CNPY2: variants seen among roughly 807,000 people sequenced by gnomAD.
CNPY2 encodes the protein protein canopy homolog 2.
Under a neutral mutation model 25.5 loss-of-function variants are expected in CNPY2, and 19 were observed. That is an observed-to-expected ratio of 0.74 (90% confidence interval 0.52 to 1.09). CNPY2 has a LOEUF of 1.09. CNPY2 is among the 50% of genes least tolerant of loss of function. The probability of loss-of-function intolerance (pLI) is 0.00; values close to 1 mark genes in which losing one functional copy is unlikely to be tolerated. For synonymous variants in CNPY2, 82 were observed against 85.0 expected, an observed-to-expected ratio of 0.96 and a Z score of 0.19; for missense variants, 214 against 233.6, an observed-to-expected ratio of 0.92 and a Z score of 0.55.
In CNPY2 at chr12:56,315,232, G is replaced by A. The variant is rs772408919; in HGVS notation, c.-15C>T. On this transcript the variant is annotated 5_prime_UTR_variant, in exon 2 of 6. Transcript: ENST00000273308. The stretch of plus-strand genomic sequence containing the variant: ...CAGCCTTTCATCTTTAGCGTAATGG[G>A]GTCGCTCCACCTGGGTTTGAGTGGG... 2 of 1,607,058 alleles carry A rather than the reference G, an allele frequency of 1.2e-6. No homozygotes were observed. The highest frequency in any genetic ancestry group is 1.7e-5 in the Admixed American group (1 of 59,790).
intron 5 of CNPY2, 79 bp from the exon 6 acceptor site, chr12:56,310,674 A>T: frequency 7.0e-7 from 1 of 1,431,290 alleles, no homozygotes; most frequent in East Asian, 2.3e-5. Flanking sequence ...TTCCCAGACC[A>T]AGCTGACACA....
intron 3 of CNPY2, among the ~76,000 whole-genome samples, chr12:56,312,167 C>T (rs1231363007): frequency 1.3e-5 from 2 of 151,156 alleles, no homozygotes; most frequent in African/African-American, 2.4e-5. Flanking sequence ...CATGAGCCAC[C>T]GCGCCCGGCC....
rs771288289 is a variant in CNPY2, at chr12:56,309,973, C to T, written c.*579G>A. On this transcript the variant is annotated 3_prime_UTR_variant, in exon 6 of 6. Coordinates refer to ENST00000273308, the MANE Select transcript of CNPY2 (RefSeq NM_014255.7). ...ATCCGATAAAGCCCTTACTTTTCAG[C>T]TGAGTTGGTCACATCCATTTTCCCC... is the stretch of plus-strand genomic sequence containing the variant. The T allele has an allele frequency of 1.0e-5, 7 of 702,258 alleles. No individual in the cohort carries two copies. Among genetic ancestry groups the T allele is most frequent in the Non-Finnish European group, 1.8e-5 (7 of 384,842 alleles). 43.5% of individuals were successfully genotyped at this position (702,258 alleles called of 1,614,324 possible).
chr12:56,314,936 C>G lies in CNPY2; in HGVS notation c.119G>C (p.Trp40Ser), dbSNP rs574865113. The G allele has an allele frequency of 8.1e-6, 13 of 1,614,114 alleles. No homozygotes were observed. In the East Asian group the frequency reaches 2.7e-4, roughly 33 times the overall value. ...ACRALVDELE[W>S]EIAQVDPKKT... ...CTTGGGGTCCACCTGGGCAATTTCC[C>G]ATTCTAGTTCATCCACCAGAGCCCT... is the stretch of plus-strand genomic sequence containing the variant. Residue 40 changes from tryptophan (W) to serine (S), a missense_variant, in exon 3 of 6, where the codon TGG (tryptophan) becomes TCG (serine). Trp to Ser is a radical substitution (Grantham distance 177). Transcript: ENST00000273308.
At position 56,311,195 on chromosome 12, in the gene CNPY2, G is replaced by T. The variant is rs770654011; in HGVS notation, c.408+16C>A. ...CCTTAATGTCCAAGAACCAGCTACC[G>T]ATTCCCATAGCTCACCGCAAACTTG... On this transcript the variant is annotated intron_variant, in intron 4 of 5. Transcript: ENST00000273308. The T allele has an allele frequency of 5.0e-6, 8 of 1,613,298 alleles. No individual in the cohort carries two copies. In the South Asian group the frequency reaches 8.8e-5, roughly 18 times the overall value.
In CNPY2 at chr12:56,311,338, TC is replaced by T. The variant is rs1229480880; in HGVS notation, c.280del (p.Glu94AsnfsTer15). On this transcript the variant is annotated frameshift_variant, in exon 4 of 6. Coordinates refer to ENST00000273308, the MANE Select transcript of CNPY2 (RefSeq NM_014255.7). LOFTEE classifies it high-confidence loss of function. The part of the protein sequence containing the change: ...EICDRMKEYG[E>X]QIDPSTHRKN... ...GCGATGGGTGGAAGGATCAATCTGTTCCCCATACTCCTTCATCCGGTCACAT... is the reference window on the plus strand; with the variant it reads ...GCGATGGGTGGAAGGATCAATCTGTTCCCATACTCCTTCATCCGGTCACAT... The T allele has an allele frequency of 4.3e-6, 7 of 1,614,016 alleles. No homozygotes were observed. The highest frequency in any genetic ancestry group is 1.7e-5 in the Admixed American group (1 of 59,982).
In CNPY2 at chr12:56,310,943, G is replaced by A; in HGVS notation, c.505+15C>T. ...CAGAGCTACTAGAACAGGAGATAAA[G>A]TGGGGGCAGCTTACCTGTTCGCTTA... On this transcript the variant is annotated intron_variant, in intron 5 of 5. Transcript: ENST00000273308. 1 of 1,610,886 alleles carries A rather than the reference G, an allele frequency of 6.2e-7. No individual in the cohort carries two copies. The highest frequency in any genetic ancestry group is 8.5e-7 in the Non-Finnish European group (1 of 1,177,174).
At chr12:56,310,657 A>G in intron 5 of CNPY2, 62 bp from the exon 6 acceptor site, 1 of 1,573,388 alleles carries the variant, frequency 6.4e-7, no homozygotes, top group Non-Finnish European at 8.7e-7. Context: ...GCCAGTATCA[A>G]GAAAATTTCC....
chr12:56,311,058 C>G lies in CNPY2; in HGVS notation c.409-4G>C. The G allele has an allele frequency of 6.2e-7, 1 of 1,613,840 alleles. No individual in the cohort carries two copies. Among genetic ancestry groups the G allele is most frequent in the Non-Finnish European group, 8.5e-7 (1 of 1,179,900 alleles). ...ATTCCTCCACAATGCTCTCACACTG[C>G]CAACCCAAGGGAGAAATGGGTGACA... On this transcript the variant is annotated splice_polypyrimidine_tract_variant and splice_region_variant and intron_variant, in intron 4 of 5. Coordinates refer to ENST00000273308, the MANE Select transcript of CNPY2 (RefSeq NM_014255.7).
intron 3 of CNPY2, chr12:56,311,637 T>C: frequency 1.9e-6 from 1 of 525,254 alleles, no homozygotes; most frequent in Non-Finnish European, 3.5e-6. Flanking sequence ...TTGCAACCTC[T>C]GCCTCCTGGG....
upstream of CNPY2, chr12:56,316,066 A>C (rs1040517028): frequency 6.6e-6 from 1 of 152,172 alleles, no homozygotes; most frequent in Admixed American, 6.6e-5. Flanking sequence ...TCAGACACCG[A>C]CCCCAAACCC....
rs752925703 is a variant in CNPY2 at position 56,311,317 on chromosome 12, TG to T, written c.301del (p.His101IlefsTer8). Reference sequence around the variant, plus strand: ...CACTACACGTACGTAGTTCTTGCGATGGGTGGAAGGATCAATCTGTTCCCCA... The same window carrying T: ...CACTACACGTACGTAGTTCTTGCGATGGTGGAAGGATCAATCTGTTCCCCA... Reference protein sequence around the residue: ...EYGEQIDPSTHRKNYVRVVGR... With the variant: ...EYGEQIDPSTXRKNYVRVVGR... On this transcript the variant is annotated frameshift_variant, in exon 4 of 6. Coordinates refer to ENST00000273308, the MANE Select transcript of CNPY2 (RefSeq NM_014255.7). LOFTEE classifies it high-confidence loss of function. 6.2e-7 allele frequency: 1 copy of T among 1,614,082 alleles called. No homozygotes were observed. Among genetic ancestry groups the T allele is most frequent in the Non-Finnish European group, 8.5e-7 (1 of 1,180,050 alleles).
chr12:56,310,615 T>C lies in CNPY2; in HGVS notation c.506-20A>G, dbSNP rs753404675. On this transcript the variant is annotated intron_variant, in intron 5 of 5. Transcript: ENST00000273308. The stretch of plus-strand genomic sequence containing the variant: ...AAAGATCTGCAAATGGCAAACAATT[T>C]AAAGGAATATGCCATTCTCATACTG... 4 of 1,613,998 alleles carry C rather than the reference T, an allele frequency of 2.5e-6. No homozygotes were observed. In the East Asian group the frequency reaches 8.9e-5, roughly 36 times the overall value.
intron 4 of CNPY2, 37 bp from the exon 5 acceptor site, chr12:56,311,091 A>G (rs756538711): frequency 3.1e-6 from 5 of 1,607,766 alleles, no homozygotes; most frequent in African/African-American, 1.3e-5. Context: ...ACACAGGGCA[A>G]TAAGAGGCCT....
Position 56,310,514 on chromosome 12 carries a change from G to A in CNPY2, c.*38C>T, listed in dbSNP as rs765839074. 6 of 1,607,376 alleles carry A rather than the reference G, an allele frequency of 3.7e-6. No homozygotes were observed. The highest frequency in any genetic ancestry group is 5.1e-6 in the Non-Finnish European group (6 of 1,173,932). ...CATTGCCACCATTTTCCCCTCCTGG[G>A]GGTGATCCATCAAGCCAGTGTGGGC... On this transcript the variant is annotated 3_prime_UTR_variant, in exon 6 of 6. Transcript: ENST00000273308.
chr12:56,311,135 A>G lies in CNPY2; in HGVS notation c.408+76T>C, dbSNP rs149771772. 108 of 1,603,820 alleles carry G rather than the reference A, an allele frequency of 6.7e-5. 1 individual carries two copies. In the African/African-American group the frequency reaches 1.3e-3, roughly 19 times the overall value. On this transcript the variant is annotated intron_variant, in intron 4 of 5. Transcript: ENST00000273308. Reference sequence around the variant, plus strand: ...CACTTCCAAAGAGGAGGACAAGGATATCAGCCTAACTTTCTAATTGGTTCT... The same window carrying G: ...CACTTCCAAAGAGGAGGACAAGGATGTCAGCCTAACTTTCTAATTGGTTCT...
At chr12:56,311,439 C>A in intron 3 of CNPY2, 25 bp from the exon 4 acceptor site, 1 of 1,607,748 alleles carries the variant, frequency 6.2e-7, no homozygotes, top group South Asian at 1.1e-5. Flanking sequence ...AGCCTTGGGT[C>A]ACTCTCTTCT....
In CNPY2 at chr12:56,309,975, G is replaced by C. The variant is rs776712483; in HGVS notation, c.*577C>G. The C allele has an allele frequency of 2.8e-6, 2 of 702,344 alleles. No homozygotes were observed. The highest frequency in any genetic ancestry group is 3.0e-5 in the South Asian group (2 of 67,590). 43.5% of individuals were successfully genotyped at this position (702,344 alleles called of 1,614,324 possible). On this transcript the variant is annotated 3_prime_UTR_variant, in exon 6 of 6. Transcript: ENST00000273308. The stretch of plus-strand genomic sequence containing the variant: ...CCGATAAAGCCCTTACTTTTCAGCT[G>C]AGTTGGTCACATCCATTTTCCCCTT...
intron 3 of CNPY2, among the ~76,000 whole-genome samples, chr12:56,312,222 CTTTTTTT>C (rs56822059): frequency 3.7e-5 from 5 of 135,892 alleles, no homozygotes; most frequent in African/African-American, 1.5e-4. Flanking sequence ...CAAAGTACTT[CTTTTTTT>C]TTTTTTTTTT....
Sources: gnomAD v4.1 joint callset for allele counts (sites outside exome capture counted in the v4.1 genomes callset) on GRCh38, gnomAD v4.1.1 for gene constraint, MANE v1.5 for transcripts, NCBI Gene and HGNC (gene_info 2026-07-23, HGNC 2026-07-21) for gene names.